TDRD9: variants seen among roughly 807,000 people sequenced by gnomAD.
The protein encoded by TDRD9 is ATP-dependent RNA helicase TDRD9.
TDRD9 carries 124 observed loss-of-function variants against 172.6 expected under a neutral mutation model. The observed-to-expected ratio is 0.72, with a 90% confidence interval of 0.62 to 0.83. The LOEUF (loss-of-function observed/expected upper bound fraction) is 0.83, where lower values mean the gene tolerates loss of function less well. Ranked by LOEUF, TDRD9 falls within the 40% of genes least tolerant of loss-of-function variation. The pLI, the probability that TDRD9 is intolerant of heterozygous loss-of-function variation, is 0.00. For missense variants in TDRD9, 1,479 were observed against 1,714.1 expected (o/e 0.86, Z 2.42); for synonymous variants, 619 against 617.1 (o/e 1.00, Z -0.05).
chr14:103,981,519 A>G (rs2033473801), intron 7 of TDRD9, among the ~76,000 whole-genome samples: 1 of 152,212 alleles, frequency 6.6e-6, no homozygotes, highest in South Asian at 2.1e-4. Context: ...GGTACCTGAT[A>G]GGTGCTCAGT....
intron 9 of TDRD9, among the ~76,000 whole-genome samples, chr14:103,993,412 T>A (rs1172381747): frequency 6.6e-6 from 1 of 152,228 alleles, no homozygotes; most frequent in Non-Finnish European, 1.5e-5. Context: ...TAGATGTTTA[T>A]GTGTCAATTG....
chr14:104,041,949 G>C, intron 33 of TDRD9, 120 bp from the exon 34 acceptor site: 1 of 642,116 alleles, frequency 1.6e-6, no homozygotes, highest in Non-Finnish European at 2.7e-6. Context: ...TTCAGCAGGC[G>C]AGTGGATAAA....
Position 104,040,354 on chromosome 14 carries a change from A to G in TDRD9, c.3855+20A>G. Reference sequence around the variant, plus strand: ...GTCGAGGTAAGGGTAGTGCAGCATCACGGCACCACAACCCTGTCTCTCTCT... The same window carrying G: ...GTCGAGGTAAGGGTAGTGCAGCATCGCGGCACCACAACCCTGTCTCTCTCT... On this transcript the variant is annotated intron_variant, in intron 33 of 35. Transcript: ENST00000409874. The G allele has an allele frequency of 6.5e-7, 1 of 1,530,692 alleles. No homozygotes were observed. The highest frequency in any genetic ancestry group is 1.2e-5 in the South Asian group (1 of 81,058). The allele number at this position is 1,530,692 out of a possible 1,614,324, so 94.8% of individuals were successfully genotyped here. A position where few individuals can be genotyped will look rare whatever the true frequency, so the allele number is the denominator to read the frequency against.
In TDRD9 at chr14:104,008,406, T is replaced by C; in HGVS notation, c.2053-7T>C. The stretch of plus-strand genomic sequence containing the variant: ...ATATTGAGTATTCTGCTTTTATATA[T>C]TTAAAGGATGAACTTAATTGGGGAC... On this transcript the variant is annotated splice_region_variant and splice_polypyrimidine_tract_variant and intron_variant, in intron 19 of 35. Coordinates refer to ENST00000409874, the MANE Select transcript of TDRD9 (RefSeq NM_153046.3). The C allele has an allele frequency of 6.9e-7, 1 of 1,456,094 alleles. No individual in the cohort carries two copies. The highest frequency in any genetic ancestry group is 1.4e-5 in the African/African-American group (1 of 71,796). 90.2% of individuals were successfully genotyped at this position (1,456,094 alleles called of 1,614,324 possible).
At chr14:103,966,239 G>T (rs1420024833) in intron 4 of TDRD9, among the ~76,000 whole-genome samples, 2 of 152,046 alleles carry the variant, frequency 1.3e-5, no homozygotes, top group Non-Finnish European at 2.9e-5. Flanking sequence ...GCTGGGGTAT[G>T]AGAATTGCTT....
intron 4 of TDRD9, 139 bp from the exon 5 acceptor site, chr14:103,966,570 G>A: frequency 1.2e-6 from 1 of 859,668 alleles, no homozygotes; most frequent in Non-Finnish European, 1.7e-6. Flanking sequence ...ACTTGAGAAT[G>A]TCACTTTTAA....
At chr14:104,017,158 TCAGCTGTG>T (rs1431318354) in intron 22 of TDRD9, among the ~76,000 whole-genome samples, 8 of 152,148 alleles carry the variant, frequency 5.3e-5, no homozygotes, top group African/African-American at 1.7e-4. Flanking sequence ...TTTTCTTCCC[TCAGCTGTG>T]CGCAAGAGGA....
At chr14:103,952,794 A>AGTG (rs2032006348) in intron 1 of TDRD9, among the ~76,000 whole-genome samples, 1 of 122,466 alleles carries the variant, frequency 8.2e-6, no homozygotes, top group South Asian at 2.8e-4. Flanking sequence ...GCTGGAGTGC[A>AGTG]GTGGTGCGAT....
chr14:104,000,408 G>T (rs911204336), intron 13 of TDRD9, among the ~76,000 whole-genome samples: 1 of 151,232 alleles, frequency 6.6e-6, no homozygotes, highest in Non-Finnish European at 1.5e-5. Context: ...AAAGTGAAGA[G>T]AAAAAAGGAT....
intron 2 of TDRD9, among the ~76,000 whole-genome samples, chr14:103,956,592 G>C (rs2032255995): frequency 6.6e-6 from 1 of 152,068 alleles, no homozygotes; most frequent in African/African-American, 2.4e-5. Context: ...AGTGAGCTGA[G>C]ATCATCCTAA....
In TDRD9 at chr14:104,016,606, A is replaced by G. The variant is rs115188780; in HGVS notation, c.2331+518A>G. ...AGTATGCCCTAGAAATCAGCATTCA[A>G]GTAGTGTGTACTTTGGGCATATCTA... On this transcript the variant is annotated intron_variant, in intron 22 of 35. Coordinates refer to ENST00000409874, the MANE Select transcript of TDRD9 (RefSeq NM_153046.3). Among the ~76,000 whole-genome samples, 1,044 of 152,282 alleles carry G rather than the reference A, an allele frequency of 6.9e-3. 13 individuals are homozygous for G. The highest frequency in any genetic ancestry group is 0.024 in the African/African-American group (986 of 41,540).
intron 7 of TDRD9, 24 bp from the exon 8 acceptor site, chr14:103,986,193 A>G (rs777904706): frequency 4.4e-6 from 7 of 1,597,304 alleles, no homozygotes; most frequent in Non-Finnish European, 4.3e-6. Context: ...TCGTATTGCG[A>G]CTTTTTTCTT....
intron 14 of TDRD9, among the ~76,000 whole-genome samples, chr14:104,004,767 G>A (rs931800201): frequency 6.6e-6 from 1 of 152,072 alleles, no homozygotes; most frequent in Non-Finnish European, 1.5e-5. Flanking sequence ...CACAATCTGG[G>A]CTCACTATTG....
intron 11 of TDRD9, 128 bp from the exon 12 acceptor site, chr14:103,995,622 A>G: frequency 1.2e-6 from 1 of 807,552 alleles, no homozygotes; most frequent in Non-Finnish European, 1.9e-6. Flanking sequence ...AAAAATGGCT[A>G]ATTTTGAAAC....
rs545124595 is a variant in TDRD9 at position 104,014,786 on chromosome 14, C to T, written c.2168C>T (p.Ser723Phe). 2.4e-5 allele frequency: 38 copies of T among 1,612,448 alleles called. No homozygotes were observed. In the South Asian group the frequency reaches 4.0e-4, roughly 17 times the overall value. ...TCACAGTTCAACATGCATGTTGATT[C>T]TCGGCGACCTGTCATGGACCAAGAG... ...RISQFNMHVDSRRPVMDQEYI... is the reference protein window; with the variant it reads ...RISQFNMHVDFRRPVMDQEYI... Residue 723 changes from serine to phenylalanine, a missense_variant, in exon 21 of 36, where the codon TCT becomes TTT. By Grantham distance (155) the Ser-to-Phe change is radical (BLOSUM62 -2). Coordinates refer to ENST00000409874, the MANE Select transcript of TDRD9 (RefSeq NM_153046.3).
chr14:104,035,056 G>A lies in TDRD9; in HGVS notation c.3716G>A (p.Arg1239Lys). 1.9e-6 allele frequency: 3 copies of A among 1,551,014 alleles called. No homozygotes were observed. Among genetic ancestry groups the A allele is most frequent in the Non-Finnish European group, 2.6e-6 (3 of 1,146,516 alleles). Residue 1239 changes from arginine (R) to lysine (K), a missense_variant and splice_region_variant, in exon 32 of 36, where the codon AGG (arginine) becomes AAG (lysine). Coordinates refer to ENST00000409874, the MANE Select transcript of TDRD9 (RefSeq NM_153046.3). ...TTATTCGCACCGGTGATAGAGTTAA[G>A]GTACGGGCATCCCTCTTGTCTATAG... ...SMLFAPVIEL[R>K]IDQNGKYYTG...
chr14:104,043,296 C>T (rs370185500), intron 34 of TDRD9, among the ~76,000 whole-genome samples: 11 of 151,014 alleles, frequency 7.3e-5, no homozygotes, highest in African/African-American at 2.2e-4. Context: ...GGCTGGAGTG[C>T]GATGGCACGA....
chr14:104,051,297 G>C (rs1450496321), intron 35 of TDRD9, among the ~76,000 whole-genome samples: 1 of 152,134 alleles, frequency 6.6e-6, no homozygotes, highest in East Asian at 1.9e-4. Context: ...CTTTTTAATG[G>C]CTGTGTAGTA....
intron 8 of TDRD9, among the ~76,000 whole-genome samples, chr14:103,988,276 C>T (rs113796399): frequency 8.5e-5 from 13 of 152,058 alleles, no homozygotes; most frequent in Admixed American, 2.0e-4. Context: ...TGGGTTCAAG[C>T]GATTCTCCTG....
Sources: gnomAD v4.1 joint callset for allele counts (sites outside exome capture counted in the v4.1 genomes callset) on GRCh38, gnomAD v4.1.1 for gene constraint, MANE v1.5 for transcripts, NCBI Gene and HGNC (gene_info 2026-07-23, HGNC 2026-07-21) for gene names.